The following PRX variants were observed in gnomAD, a reference collection of about 807,000 sequenced individuals.
PRX encodes periaxin.
A neutral mutation model predicts 29.6 loss-of-function variants in PRX; 24 were observed. The ratio of observed to expected loss-of-function variants is 0.81; its 90% CI spans 0.59 to 1.14. The LOEUF is 1.14. PRX is among the 50% of genes most tolerant of loss of function. PRX has a pLI of 0.00. For synonymous variants in PRX, 772 were observed against 831.7 expected, an observed-to-expected ratio of 0.93 and a Z score of 1.24; for missense variants, 1,838 against 1,926.4, an observed-to-expected ratio of 0.95 and a Z score of 0.86.
Position 40,407,941 on chromosome 19 carries a change from T to G in PRX, c.-9A>C, listed in dbSNP as rs200766544. The G allele has an allele frequency of 5.0e-6, 8 of 1,613,658 alleles. No homozygotes were observed. The Admixed American group carries it at 6.7e-5, about 13-fold the overall frequency. On this transcript the variant is annotated 5_prime_UTR_variant, in exon 4 of 7. Coordinates refer to ENST00000324001, the MANE Select transcript of PRX (RefSeq NM_181882.3). ...CGGCTCCTGGCCTCCATGGCGTTGC[T>G]GGGAGGCACCTGCACCCCAGGCTCC...
At chr19:40,401,018 C>T (rs561079738) in intron 5 of PRX, among the ~76,000 whole-genome samples, 4 of 152,302 alleles carry the variant, frequency 2.6e-5, no homozygotes, top group African/African-American at 9.6e-5. Flanking sequence ...CCTGGTCTTT[C>T]TTAGTACTAG....
chr19:40,412,430 A>C (rs1254435287), intron 1 of PRX, among the ~76,000 whole-genome samples: 1 of 152,190 alleles, frequency 6.6e-6, no homozygotes, highest in African/African-American at 2.4e-5. Flanking sequence ...TTGTGAGAGA[A>C]CAGCAGGTGC....
chr19:40,399,913 C>CTTTCT lies in PRX; in HGVS notation c.185-1102_185-1098dup, dbSNP rs201371668. On this transcript the variant is annotated intron_variant, in intron 5 of 6. Coordinates refer to ENST00000324001, the MANE Select transcript of PRX (RefSeq NM_181882.3). ...TTTCTTTCTTTCTTTCTTTTTCTTT[C>CTTTCT]TTTCTTTCTTTCACCCAGCTTTCTT... 8.3e-3 allele frequency among the ~76,000 whole-genome samples: 952 copies of CTTTCT among 114,968 alleles called. 3 individuals carry two copies. Among genetic ancestry groups the CTTTCT allele is most frequent in the East Asian group, 0.016 (67 of 4,228 alleles). 75.4% of individuals were successfully genotyped at this position (114,968 alleles called of 152,430 possible).
At position 40,395,590 on chromosome 19, in the gene PRX, A is replaced by C; in HGVS notation, c.2762T>G (p.Ile921Arg). The C allele has an allele frequency of 1.2e-6, 2 of 1,614,120 alleles. No homozygotes were observed. Among genetic ancestry groups the C allele is most frequent in the Non-Finnish European group, 1.7e-6 (2 of 1,179,998 alleles). Residue 921 changes from isoleucine to arginine, a missense_variant, in exon 7 of 7, where the codon ATA becomes AGA. Ile to Arg is a moderately conservative substitution (Grantham distance 97, BLOSUM62 -3). This residue lies in a region of PRX where 1,143 missense variants were observed against 1,193.0 expected (regional missense o/e 0.96). Coordinates refer to ENST00000324001, the MANE Select transcript of PRX (RefSeq NM_181882.3). ...GGAAGAGGGCTTGACTTTTGTCTCTATCATCTCCAGCCGCCCTTCCTCAAT... is the reference window on the plus strand; with the variant it reads ...GGAAGAGGGCTTGACTTTTGTCTCTCTCATCTCCAGCCGCCCTTCCTCAAT... The part of the protein sequence containing the change: ...VEIEEGRLEM[I>R]ETKVKPSSKF...
rs768703641 is a variant in PRX, at chr19:40,397,396, A to C, written c.956T>G (p.Val319Gly). 1.1e-5 allele frequency: 18 copies of C among 1,612,070 alleles called. No homozygotes were observed. Among genetic ancestry groups the C allele is most frequent in the Non-Finnish European group, 1.4e-5 (17 of 1,179,680 alleles). Residue 319 changes from valine (V) to glycine (G), a missense_variant, in exon 7 of 7, where the codon GTG (valine) becomes GGG (glycine). Transcript: ENST00000324001. ...LPCLETREGA[V>G]SVVVPTLDVA... ...ATCCAGGGTGGGCACCACTACCGAC[A>C]CAGCCCCTTCCCGGGTCTCTAGGCA...
intron 4 of PRX, among the ~76,000 whole-genome samples, chr19:40,404,424 T>TGGGGGGGGGGGGGG (rs71171571): frequency 4.6e-5 from 3 of 65,402 alleles, no homozygotes; most frequent in African/African-American, 1.0e-4. Context: ...AGGGCGGGGC[T>TGGGGGGGGGGGGGG]GGGGGGGGTT....
At position 40,403,731 on chromosome 19, in the gene PRX, G is replaced by A. The variant is rs763507069; in HGVS notation, c.159C>T (p.Ala53=). The change falls in exon 5 of 7, where the codon GCC becomes GCT. Residue 53 remains alanine (A), a synonymous_variant. Coordinates refer to ENST00000324001, the MANE Select transcript of PRX (RefSeq NM_181882.3). Reference sequence around the variant, plus strand: ...CTTCCTGCAGGCTGAGGCTCCTGGCGGCGGGTGAGTCCTCGCGCAGCTCCC... The same window carrying A: ...CTTCCTGCAGGCTGAGGCTCCTGGCAGCGGGTGAGTCCTCGCGCAGCTCCC... ...FVRELREDSP[A]ARSLSLQEGD... The A allele has an allele frequency of 1.3e-6, 2 of 1,565,706 alleles. No individual in the cohort carries two copies. Among genetic ancestry groups the A allele is most frequent in the Non-Finnish European group, 1.7e-6 (2 of 1,156,354 alleles).
chr19:40,406,594 G>GC (rs1344050776), intron 4 of PRX, among the ~76,000 whole-genome samples: 2 of 151,938 alleles, frequency 1.3e-5, no homozygotes, highest in Non-Finnish European at 2.9e-5. Flanking sequence ...TAGCAGCTTG[G>GC]CCCCTGTAAC....
At chr19:40,410,170 G>T (rs764582849) in intron 1 of PRX, among the ~76,000 whole-genome samples, 5 of 152,062 alleles carry the variant, frequency 3.3e-5, no homozygotes, top group African/African-American at 1.2e-4. Flanking sequence ...GCAGCCACCC[G>T]CCAGGCCCAT....
chr19:40,400,893 A>G (rs2079489802), intron 5 of PRX, among the ~76,000 whole-genome samples: 1 of 152,146 alleles, frequency 6.6e-6, no homozygotes, highest in South Asian at 2.1e-4. Context: ...TCCCAAGTAT[A>G]TCTCTCCAGT....
rs1167676481 is a variant in PRX at position 40,403,828 on chromosome 19, A to G, written c.62T>C (p.Val21Ala). 8 of 1,606,674 alleles carry G rather than the reference A, an allele frequency of 5.0e-6. No homozygotes were observed. The highest frequency in any genetic ancestry group is 6.8e-6 in the Non-Finnish European group (8 of 1,178,564). ...LRRAELVEII[V>A]ETEAQTGVSG... The stretch of plus-strand genomic sequence containing the variant: ...GACCCCGGTCTGCGCCTCCGTCTCC[A>G]CGATAATTTCCACCAACTCCGCCCG... The change falls in exon 5 of 7, where the codon GTG (valine) becomes GCG (alanine). Residue 21 changes from valine to alanine, a missense_variant. Coordinates refer to ENST00000324001, the MANE Select transcript of PRX (RefSeq NM_181882.3).
rs561882352 is a variant in PRX at position 40,410,028 on chromosome 19, G to A, written c.-242-1645C>T. Among the ~76,000 whole-genome samples, 5 of 152,268 alleles carry A rather than the reference G, an allele frequency of 3.3e-5. No homozygotes were observed. The South Asian group carries it at 1.0e-3, about 32-fold the overall frequency. ...ATACCTGATGGGTACTGAGTGATTA[G>A]TATTTGCTGGCCCCCGTGCTAAGAC... On this transcript the variant is annotated intron_variant, in intron 1 of 6. Coordinates refer to ENST00000324001, the MANE Select transcript of PRX (RefSeq NM_181882.3).
At chr19:40,411,688 A>G (rs1651464796) in intron 1 of PRX, among the ~76,000 whole-genome samples, 1 of 152,250 alleles carries the variant, frequency 6.6e-6, no homozygotes, top group African/African-American at 2.4e-5. Flanking sequence ...AGGTGGGGGC[A>G]GCTTCGGAAG....
rs768222913 is a variant in PRX at position 40,393,928 on chromosome 19, A to C, written c.*38T>G. 6.2e-7 allele frequency: 1 copy of C among 1,604,618 alleles called. No homozygotes were observed. Among genetic ancestry groups the C allele is most frequent in the Non-Finnish European group, 8.5e-7 (1 of 1,179,616 alleles). ...ACACACAACAGCGAGGGGGTAGAGA[A>C]AGGAAGGCAAGAAGGGATCCCCATC... On this transcript the variant is annotated 3_prime_UTR_variant, in exon 7 of 7. Transcript: ENST00000324001.
In PRX at chr19:40,394,815, G is replaced by T; in HGVS notation, c.3537C>A (p.Gly1179=). 1 of 1,613,442 alleles carries T rather than the reference G, an allele frequency of 6.2e-7. No individual in the cohort carries two copies. The highest frequency in any genetic ancestry group is 2.2e-5 in the East Asian group (1 of 44,876). Residue 1179 remains glycine (G), a synonymous_variant, in exon 7 of 7, where the codon GGC becomes GGA. Transcript: ENST00000324001. This position sits in a 1 kb window ranked among gnomAD's most constrained non-coding sequence, Gnocchi z 5.8. ...QAQSTVPSAE[G]TAGYRVQVPQ... ...GCACCTGAACCCTGTAGCCTGCTGTGCCCTCTGCTGAAGGGACTGTACTCT... is the reference window on the plus strand; with the variant it reads ...GCACCTGAACCCTGTAGCCTGCTGTTCCCTCTGCTGAAGGGACTGTACTCT...
rs1294912619 is a variant in PRX at position 40,396,284 on chromosome 19, C to T, written c.2068G>A (p.Glu690Lys). Residue 690 changes from glutamate (E) to lysine (K), a missense_variant, in exon 7 of 7, where the codon GAG (glutamate) becomes AAG (lysine). This residue lies in a region of PRX where 1,143 missense variants were observed against 1,193.0 expected (regional missense o/e 0.96). Transcript: ENST00000324001. Reference protein sequence around the residue: ...LPEVQLPKVSEMKLPKVPEMA... With the variant: ...LPEVQLPKVSKMKLPKVPEMA... ...TCAGGCACCTTGGGGAGTTTCATCT[C>T]TGAGACTTTTGGCAGCTGCACCTCG... is the stretch of plus-strand genomic sequence containing the variant. 10 of 1,613,592 alleles carry T rather than the reference C, an allele frequency of 6.2e-6. No individual in the cohort carries two copies. In the Admixed American group the frequency reaches 1.7e-4, roughly 27 times the overall value.
At chr19:40,409,890 A>G (rs2079550878) in intron 1 of PRX, among the ~76,000 whole-genome samples, 1 of 152,158 alleles carries the variant, frequency 6.6e-6, no homozygotes, top group African/African-American at 2.4e-5. Context: ...TGAGCCCATT[A>G]CAGAGGAGAC....
rs947489730 is a variant in PRX, at chr19:40,408,369, C to T, written c.-228G>A. On this transcript the variant is annotated 5_prime_UTR_variant, in exon 2 of 7. Coordinates refer to ENST00000324001, the MANE Select transcript of PRX (RefSeq NM_181882.3). ...GGGTCACCTCCAGCTCCTTGGGCCTCCTGGGTCCGGCGCTCTAAGAAGAAT... is the reference window on the plus strand; with the variant it reads ...GGGTCACCTCCAGCTCCTTGGGCCTTCTGGGTCCGGCGCTCTAAGAAGAAT... The T allele has an allele frequency of 2.6e-5, 8 of 306,048 alleles. No homozygotes were observed. The highest frequency in any genetic ancestry group is 5.1e-5 in the Non-Finnish European group (8 of 157,628). 19.0% of individuals were successfully genotyped at this position (306,048 alleles called of 1,614,324 possible). A position where few individuals can be genotyped will look rare whatever the true frequency, so the allele number is the denominator to read the frequency against.
Position 40,394,177 on chromosome 19 carries a change from C to A in PRX, c.4175G>T (p.Gly1392Val). The change falls in exon 7 of 7, where the codon GGG becomes GTG. Residue 1392 changes from glycine (G) to valine (V), a missense_variant. Coordinates refer to ENST00000324001, the MANE Select transcript of PRX (RefSeq NM_181882.3). This position sits in a 1 kb window ranked among gnomAD's most constrained non-coding sequence, Gnocchi z 5.8. ...GLAAPSKASRGQEGDAAPKSP... is the reference protein window; with the variant it reads ...GLAAPSKASRVQEGDAAPKSP... Reference sequence around the variant, plus strand: ...CTTGGGGGCTGCATCGCCCTCCTGCCCCCGAGAGGCTTTAGAAGGGGCCGC... The same window carrying A: ...CTTGGGGGCTGCATCGCCCTCCTGCACCCGAGAGGCTTTAGAAGGGGCCGC... The A allele has an allele frequency of 6.3e-7, 1 of 1,586,426 alleles. No homozygotes were observed. The highest frequency in any genetic ancestry group is 8.6e-7 in the Non-Finnish European group (1 of 1,163,542).
Sources: gnomAD v4.1 joint callset for allele counts (sites outside exome capture counted in the v4.1 genomes callset) on GRCh38, gnomAD v4.1.1 for gene constraint, gnomAD v4.1.1 regional missense constraint, Gnocchi (gnomAD v3.1) non-coding constraint, MANE v1.5 for transcripts, NCBI Gene and HGNC (gene_info 2026-07-23, HGNC 2026-07-21) for gene names.